COL20A1: variants seen among roughly 807,000 people sequenced by gnomAD.
COL20A1 encodes collagen type XX alpha 1 chain.
A neutral mutation model predicts 152.9 loss-of-function variants in COL20A1; 164 were observed. That is an observed-to-expected ratio of 1.07 (90% CI 0.94 to 1.22). The LOEUF (loss-of-function observed/expected upper bound fraction) is 1.22, where lower values mean the gene tolerates loss of function less well. Ranked by LOEUF, COL20A1 falls within the 50% of genes most tolerant of loss-of-function variation. The probability of loss-of-function intolerance (pLI) is 0.00; values close to 1 mark genes in which losing one functional copy is unlikely to be tolerated. For missense variants in COL20A1, 1,873 were observed against 1,744.8 expected (o/e 1.07, Z -1.31); for synonymous variants, 864 against 756.0 (o/e 1.14, Z -2.34).
rs562886422 is a variant in COL20A1 at position 63,321,076 on chromosome 20, C to G, written c.3217C>G (p.Pro1073Ala). Residue 1073 changes from proline to alanine, a missense_variant, in exon 26 of 36, where the codon CCC (proline) becomes GCC (alanine). By Grantham distance (27) the Pro-to-Ala change is conservative (BLOSUM62 -1). Coordinates refer to ENST00000358894, the MANE Select transcript of COL20A1 (RefSeq NM_020882.4). ...ACSCSSETPG[P>A]PGPQGPPGLP... ...TTCCTGTTCCTCAGAGACCCCTGGG[C>G]CCCCAGGACCTCAAGGACCCCCAGT... The G allele has an allele frequency of 6.3e-6, 10 of 1,599,808 alleles. No homozygotes were observed. In the African/African-American group the frequency reaches 8.0e-5, roughly 13 times the overall value.
chr20:63,317,134 G>A (rs75129617), intron 21 of COL20A1, among the ~76,000 whole-genome samples: 3,255 of 152,250 alleles, frequency 0.021, 126 homozygotes, highest in African/African-American at 0.075. Flanking sequence ...GTTGTTCATC[G>A]TGACCCTGAA....
chr20:63,315,568 G>A, intron 20 of COL20A1, 129 bp downstream of exon 20: 2 of 837,386 alleles, frequency 2.4e-6, no homozygotes, highest in Admixed American at 2.7e-5. Flanking sequence ...GGGCGGGTTT[G>A]TGCCTCCACA....
At chr20:63,320,445 C>T in intron 25 of COL20A1, 77 bp downstream of exon 25, 1 of 1,385,152 alleles carries the variant, frequency 7.2e-7, no homozygotes, top group Non-Finnish European at 1.0e-6. Context: ...TGCCTGGGGT[C>T]AGTTGGCCTG....
chr20:63,318,951 G>A (rs2123419544), intron 21 of COL20A1, 107 bp from the exon 22 acceptor site: 1 of 866,096 alleles, frequency 1.2e-6, no homozygotes, highest in South Asian at 1.5e-5. Context: ...CCTCAGAGCA[G>A]CCTCAGGGAC....
chr20:63,312,653 G>C (rs1034882771), intron 15 of COL20A1, 104 bp downstream of exon 15: 3 of 1,478,734 alleles, frequency 2.0e-6, no homozygotes, highest in South Asian at 2.7e-5. Flanking sequence ...CCCTGGGTCA[G>C]TGCTGAGCCA....
intron 3 of COL20A1, among the ~76,000 whole-genome samples, chr20:63,304,814 C>T (rs576686979): frequency 6.6e-6 from 1 of 152,332 alleles, no homozygotes; most frequent in South Asian, 2.1e-4. Context: ...TCACCCAGTG[C>T]TCACAGTGCC....
At position 63,323,439 on chromosome 20, in the gene COL20A1, A is replaced by G. The variant is rs187876875; in HGVS notation, c.3294+1328A>G. 1.8e-4 allele frequency among the ~76,000 whole-genome samples: 27 copies of G among 152,328 alleles called. No individual in the cohort carries two copies. The East Asian group carries it at 5.2e-3, about 29-fold the overall frequency. ...AAGATCTTTCTTATTCCGAGAGTAGAAATCGCGCCTCCTCCTGGTTCCTCC... is the reference window on the plus strand; with the variant it reads ...AAGATCTTTCTTATTCCGAGAGTAGGAATCGCGCCTCCTCCTGGTTCCTCC... On this transcript the variant is annotated intron_variant, in intron 27 of 35. Transcript: ENST00000358894.
intron 2 of COL20A1, among the ~76,000 whole-genome samples, chr20:63,296,308 T>A (rs1186428801): frequency 6.6e-6 from 1 of 152,264 alleles, no homozygotes; most frequent in East Asian, 1.9e-4. Flanking sequence ...AATCAGTAAG[T>A]TGCTTCTACA....
chr20:63,334,044 G>A lies in COL20A1; in HGVS notation c.*3328G>A, dbSNP rs375179205. 18 of 152,208 alleles carry A rather than the reference G, an allele frequency of 1.2e-4. No homozygotes were observed. Among genetic ancestry groups the A allele is most frequent in the Admixed American group, 6.5e-4 (10 of 15,274 alleles). The allele number at this position is 152,208 out of a possible 1,614,324, so 9.4% of individuals were successfully genotyped here. A position where few individuals can be genotyped will look rare whatever the true frequency, so the allele number is the denominator to read the frequency against. On this transcript the variant is annotated 3_prime_UTR_variant, in exon 36 of 36. Transcript: ENST00000358894. ...CGATGTCATAATACAGCCCCCCATC[G>A]TGATCTGATGGTAAGTACAGAACTC...
intron 11 of COL20A1, among the ~76,000 whole-genome samples, chr20:63,310,946 A>C (rs906388608): frequency 1.3e-5 from 2 of 152,182 alleles, no homozygotes; most frequent in South Asian, 2.1e-4. Flanking sequence ...TGGTATATTC[A>C]GAGCTGTCAC....
chr20:63,318,944 C>G (rs1568782305), intron 21 of COL20A1, 114 bp from the exon 22 acceptor site: 1 of 817,280 alleles, frequency 1.2e-6, no homozygotes, highest in Non-Finnish European at 2.0e-6. Flanking sequence ...CCATGACCCT[C>G]AGAGCAGCCT....
chr20:63,326,528 G>GTGGGTGC (rs978010152), intron 30 of COL20A1, among the ~76,000 whole-genome samples: 1 of 140,144 alleles, frequency 7.1e-6, no homozygotes, highest in African/African-American at 3.3e-5. Context: ...TTAGAGCAGC[G>GTGGGTGC]TGCTGACAGT....
intron 8 of COL20A1, 116 bp downstream of exon 8, chr20:63,308,822 G>T: frequency 1.1e-6 from 1 of 919,336 alleles, no homozygotes; most frequent in East Asian, 2.8e-5. Context: ...CACATCTGCG[G>T]CACGGAGCTG....
chr20:63,312,891 A>G lies in COL20A1; in HGVS notation c.2033A>G (p.Tyr678Cys), dbSNP rs143321165. Residue 678 changes from tyrosine to cysteine, a missense_variant, in exon 16 of 36, where the codon TAC becomes TGC. By Grantham distance (194) the Tyr-to-Cys change is radical. Transcript: ENST00000358894. ...GCAGCCCCGTCTGGCGTGCTTGTCT[A>G]CCAGATCACGTGGACGCCCCTGGGA... ...VAAAPSGVLVYQITWTPLGEG... is the reference protein window; with the variant it reads ...VAAAPSGVLVCQITWTPLGEG... 5.9e-3 allele frequency: 9,161 copies of G among 1,558,384 alleles called. 31 individuals carry two copies. The highest frequency in any genetic ancestry group is 8.8e-3 in the Admixed American group (462 of 52,272).
At position 63,328,068 on chromosome 20, in the gene COL20A1, T is replaced by A. The variant is rs1403272287; in HGVS notation, c.3565-11T>A. On this transcript the variant is annotated splice_polypyrimidine_tract_variant and intron_variant, in intron 32 of 35. Transcript: ENST00000358894. Reference sequence around the variant, plus strand: ...ACACGGGTCCCAAAGCTGCACCACCTTCCCTTCCAGGGCGAGCCGCAGTCC... The same window carrying A: ...ACACGGGTCCCAAAGCTGCACCACCATCCCTTCCAGGGCGAGCCGCAGTCC... The A allele has an allele frequency of 6.2e-7, 1 of 1,613,316 alleles. No homozygotes were observed. The highest frequency in any genetic ancestry group is 8.5e-7 in the Non-Finnish European group (1 of 1,179,814).
rs542619850 is a variant in COL20A1 at position 63,311,629 on chromosome 20, A to T, written c.1544A>T (p.Gln515Leu). The T allele has an allele frequency of 3.6e-5, 58 of 1,608,480 alleles. No individual in the cohort carries two copies. In the South Asian group the frequency reaches 4.1e-4, roughly 11 times the overall value. ...TGGGACGTCATGTCTCTGCAGGTGCAGGTCGGGCGGCCCGAGGTGCTGCTG... is the reference window on the plus strand; with the variant it reads ...TGGGACGTCATGTCTCTGCAGGTGCTGGTCGGGCGGCCCGAGGTGCTGCTG... Reference protein sequence around the residue: ...PKGEEEEREVQVGRPEVLLDG... With the variant: ...PKGEEEEREVLVGRPEVLLDG... Residue 515 changes from glutamine (Q) to leucine (L), a missense_variant, in exon 13 of 36, where the codon CAG becomes CTG. Physicochemically the swap from Gln to Leu is moderately radical, Grantham distance 113. Transcript: ENST00000358894. The surrounding 1 kb of genome is among the most constrained non-coding windows in gnomAD (Gnocchi z 4.4).
chr20:63,327,093 G>A (rs897926203), intron 31 of COL20A1: 19 of 398,444 alleles, frequency 4.8e-5, no homozygotes, highest in Non-Finnish European at 8.5e-5. Context: ...GCTCTCCCAG[G>A]GACTTCCTGT....
At position 63,313,064 on chromosome 20, in the gene COL20A1, C is replaced by G; in HGVS notation, c.2077-53C>G. Reference sequence around the variant, plus strand: ...AGGGATGCCTCACTGCCCGGCCCCCCAACCTGAGGACCCCACTGCACCCGG... The same window carrying G: ...AGGGATGCCTCACTGCCCGGCCCCCGAACCTGAGGACCCCACTGCACCCGG... On this transcript the variant is annotated intron_variant, in intron 16 of 35. Coordinates refer to ENST00000358894, the MANE Select transcript of COL20A1 (RefSeq NM_020882.4). This position sits in a 1 kb window ranked among gnomAD's most constrained non-coding sequence, Gnocchi z 5.9. 1 of 1,574,092 alleles carries G rather than the reference C, an allele frequency of 6.4e-7. No homozygotes were observed. The highest frequency in any genetic ancestry group is 2.4e-5 in the East Asian group (1 of 42,398).
rs3746373 is a variant in COL20A1, at chr20:63,307,491, C to A, written c.498C>A (p.Ala166=). ...CCTGACCCGCTCCCACCGCCCCAGC[C>A]GGCCCCCAGTTCCGCTGCCTGCCCC... ...FTPSQDPRTP[A]GPQFRCLPPV... is the part of the protein sequence containing the mutation. The change falls in exon 6 of 36, where the codon GCC becomes GCA. Residue 166 remains alanine, a splice_region_variant and synonymous_variant. Coordinates refer to ENST00000358894, the MANE Select transcript of COL20A1 (RefSeq NM_020882.4). 5.4e-3 allele frequency: 8,722 copies of A among 1,610,740 alleles called. 287 individuals are homozygous for A. In the East Asian group the frequency reaches 0.082, roughly 15 times the overall value.
Sources: gnomAD v4.1 joint callset for allele counts (sites outside exome capture counted in the v4.1 genomes callset) on GRCh38, gnomAD v4.1.1 for gene constraint, Gnocchi (gnomAD v3.1) non-coding constraint, MANE v1.5 for transcripts, NCBI Gene and HGNC (gene_info 2026-07-23, HGNC 2026-07-21) for gene names.